RPTOR: variants seen among roughly 807,000 people sequenced by gnomAD.
RPTOR encodes regulatory associated protein of MTOR complex 1.
RPTOR carries 21 observed loss-of-function variants against 169.9 expected under a neutral mutation model. That is an observed-to-expected ratio of 0.12 (90% CI 0.09 to 0.18). The LOEUF (loss-of-function observed/expected upper bound fraction) is 0.18, where lower values mean the gene tolerates loss of function less well. RPTOR is among the 10% of genes least tolerant of loss of function. The probability of loss-of-function intolerance (pLI) is 1.00; values close to 1 mark genes in which losing one functional copy is unlikely to be tolerated. For missense variants in RPTOR, 1,133 were observed against 1,855.9 expected (o/e 0.61, Z 7.16); for synonymous variants, 732 against 753.2 (o/e 0.97, Z 0.46).
At chr17:80,849,591 CT>C (rs1450030804) in intron 11 of RPTOR, among the ~76,000 whole-genome samples, 1 of 152,210 alleles carries the variant, frequency 6.6e-6, no homozygotes. Context: ...GCGGTCTCAG[CT>C]CACTGCAACC....
At chr17:80,842,022 C>A (rs1255341660) in intron 10 of RPTOR, among the ~76,000 whole-genome samples, 1 of 151,850 alleles carries the variant, frequency 6.6e-6, no homozygotes, top group Non-Finnish European at 1.5e-5. Context: ...TCTCACCACA[C>A]GGCAGCTCAC....
intron 6 of RPTOR, among the ~76,000 whole-genome samples, chr17:80,789,493 A>C (rs1332990771): frequency 1.3e-5 from 2 of 152,164 alleles, no homozygotes; most frequent in African/African-American, 4.8e-5. Flanking sequence ...TGCGTTTTCA[A>C]CCTTCCTGCT....
At chr17:80,605,792 TTATGTCTCAG>T in intron 1 of RPTOR, among the ~76,000 whole-genome samples, 1 of 152,286 alleles carries the variant, frequency 6.6e-6, no homozygotes, top group South Asian at 2.1e-4. Flanking sequence ...CGAATGCCCG[TTATGTCTCAG>T]GCACGGACTA....
intron 6 of RPTOR, among the ~76,000 whole-genome samples, chr17:80,757,439 G>A (rs143651000): frequency 1.3e-5 from 2 of 152,142 alleles, no homozygotes; most frequent in African/African-American, 2.4e-5. Context: ...CTCTTTTCAC[G>A]TACCAGTTTA....
At chr17:80,925,922 G>GAGGGGCCCCC in intron 24 of RPTOR, among the ~76,000 whole-genome samples, 1 of 152,370 alleles carries the variant, frequency 6.6e-6, no homozygotes, top group African/African-American at 2.4e-5. Context: ...CAAGCGCCGT[G>GAGGGGCCCCC]TGCTGTGGAC....
chr17:80,964,933 G>T lies in RPTOR; in HGVS notation c.*603G>T, dbSNP rs74001167. On this transcript the variant is annotated 3_prime_UTR_variant, in exon 34 of 34. Coordinates refer to ENST00000306801, the MANE Select transcript of RPTOR (RefSeq NM_020761.3). ...CCAACTGGCGGGTGTGAAGGAAGCC[G>T]CCCAGGGGTCCGGGCTGTCCTTGGC... The T allele has an allele frequency of 4.3e-6, 1 of 233,672 alleles. No homozygotes were observed. The highest frequency in any genetic ancestry group is 6.0e-5 in the East Asian group (1 of 16,604). The allele number at this position is 233,672 out of a possible 1,614,324, so 14.5% of individuals were successfully genotyped here.
At chr17:80,614,787 T>C (rs1386331632) in intron 1 of RPTOR, among the ~76,000 whole-genome samples, 1 of 152,226 alleles carries the variant, frequency 6.6e-6, no homozygotes, top group African/African-American at 2.4e-5. Context: ...TGTAAAATTC[T>C]GAACCATGGA....
At chr17:80,557,246 CCTCTTATTCAAATGA>C (rs541974941) in intron 1 of RPTOR, among the ~76,000 whole-genome samples, 58 of 152,300 alleles carry the variant, frequency 3.8e-4, no homozygotes, top group Non-Finnish European at 7.8e-4. Context: ...ACTCTATCCT[CCTCTTATTCAAATGA>C]CTTTAAAAAG....
At chr17:80,807,214 A>G (rs1216028921) in intron 7 of RPTOR, among the ~76,000 whole-genome samples, 1 of 152,216 alleles carries the variant, frequency 6.6e-6, no homozygotes, top group Non-Finnish European at 1.5e-5. Context: ...GAGACAGAAC[A>G]TTTTTGGTTT....
intron 6 of RPTOR, among the ~76,000 whole-genome samples, chr17:80,756,038 T>C (rs1053020296): frequency 6.6e-5 from 10 of 152,238 alleles, no homozygotes; most frequent in African/African-American, 2.4e-4. Context: ...TGTAACAAGA[T>C]GTGAGAACAA....
chr17:80,741,808 A>G (rs9674559), intron 5 of RPTOR, among the ~76,000 whole-genome samples: 33,304 of 152,020 alleles, frequency 0.22, 3,696 homozygotes, highest in African/African-American at 0.23. Flanking sequence ...GTGGCTGGAG[A>G]GGAGAGGCCA....
In RPTOR at chr17:80,844,713, T is replaced by C. The variant is rs1352552155; in HGVS notation, c.1213-1760T>C. Among the ~76,000 whole-genome samples, 1 of 152,220 alleles carries C rather than the reference T, an allele frequency of 6.6e-6. No homozygotes were observed. Among genetic ancestry groups the C allele is most frequent in the Non-Finnish European group, 1.5e-5 (1 of 68,028 alleles). On this transcript the variant is annotated intron_variant, in intron 10 of 33. Transcript: ENST00000306801. The surrounding 1 kb of genome is among the most constrained non-coding windows in gnomAD (Gnocchi z 4.7). ...CACGGGGCTCTGCCCGCCAGGCTCC[T>C]CTGTGGAGGCTGCCGAGAGCGCTCC...
chr17:80,940,715 C>T, intron 25 of RPTOR, 114 bp downstream of exon 25: 3 of 827,230 alleles, frequency 3.6e-6, no homozygotes, highest in Non-Finnish European at 5.8e-6. Context: ...CAGCCATCCA[C>T]TGTCCCACGA....
At chr17:80,626,492 T>G (rs945812704) in intron 2 of RPTOR, among the ~76,000 whole-genome samples, 1 of 152,084 alleles carries the variant, frequency 6.6e-6, no homozygotes, top group African/African-American at 2.4e-5. Flanking sequence ...AAGCATCACA[T>G]AATGGATCAT....
At chr17:80,833,312 TG>T (rs1291517731) in intron 9 of RPTOR, among the ~76,000 whole-genome samples, 2 of 152,106 alleles carry the variant, frequency 1.3e-5, no homozygotes, top group Non-Finnish European at 1.5e-5. Flanking sequence ...CCCCAGCTGC[TG>T]GGGGGGAGGA....
chr17:80,804,594 T>A (rs1233697938), intron 7 of RPTOR: 5 of 152,262 alleles, frequency 3.3e-5, no homozygotes, highest in Non-Finnish European at 7.3e-5. Context: ...CGAAGACAGC[T>A]CCAGGCCCAC....
intron 24 of RPTOR, 142 bp downstream of exon 24, chr17:80,925,622 A>G: frequency 4.5e-6 from 3 of 663,956 alleles, no homozygotes; most frequent in Non-Finnish European, 7.8e-6. Flanking sequence ...TTGAGGTAGA[A>G]CCGCAGAAGA....
intron 9 of RPTOR, among the ~76,000 whole-genome samples, chr17:80,830,661 C>A (rs1316733791): frequency 6.6e-6 from 1 of 151,950 alleles, no homozygotes; most frequent in African/African-American, 2.4e-5. Flanking sequence ...CCAGTGGCTT[C>A]GAAAGGAGTT....
chr17:80,922,791 GC>G lies in RPTOR; in HGVS notation c.2592del (p.Thr865ProfsTer24). On this transcript the variant is annotated frameshift_variant, in exon 22 of 34. Transcript: ENST00000306801. LOFTEE classifies it high-confidence loss of function. ...TSSLTQSAPA[S>X]PTNKGVHIHQ... ...TCCCTCACGCAGTCGGCCCCCGCCA[GC>G]CCCACCAACAAGGGCGTGCACATCC... The G allele has an allele frequency of 6.3e-7, 1 of 1,587,316 alleles. No homozygotes were observed. The highest frequency in any genetic ancestry group is 1.7e-5 in the Admixed American group (1 of 58,022).
Sources: gnomAD v4.1 joint callset for allele counts (sites outside exome capture counted in the v4.1 genomes callset) on GRCh38, gnomAD v4.1.1 for gene constraint, Gnocchi (gnomAD v3.1) non-coding constraint, MANE v1.5 for transcripts, NCBI Gene and HGNC (gene_info 2026-07-23, HGNC 2026-07-21) for gene names.